The following UPF2 variants were observed in gnomAD, a reference collection of about 807,000 sequenced individuals.
The protein encoded by UPF2 is UPF2 regulator of nonsense mediated mRNA decay, also known as regulator of nonsense transcripts 2.
UPF2 carries 17 observed loss-of-function variants against 141.4 expected under a neutral mutation model. The ratio of observed to expected loss-of-function variants is 0.12; its 90% CI spans 0.08 to 0.18. The LOEUF (loss-of-function observed/expected upper bound fraction) is 0.18. UPF2 is among the 10% of genes least tolerant of loss of function. UPF2 has a pLI of 1.00. For missense variants in UPF2, 1,152 were observed against 1,515.9 expected, an observed-to-expected ratio of 0.76 and a Z score of 3.99; for synonymous variants, 540 against 498.0, an observed-to-expected ratio of 1.08 and a Z score of -1.12.
intron 9 of UPF2, among the ~76,000 whole-genome samples, chr10:11,968,782 C>T (rs1008878984): frequency 1.3e-5 from 2 of 152,156 alleles, no homozygotes; most frequent in African/African-American, 4.8e-5. Flanking sequence ...CCATTTTCAT[C>T]GGAAAACCAA....
rs765095594 is a variant in UPF2, at chr10:12,016,424, G to A, written c.1146-2240C>T. Among the ~76,000 whole-genome samples the A allele has an allele frequency of 2.6e-4, 40 of 152,056 alleles. No homozygotes were observed. The highest frequency in any genetic ancestry group is 7.7e-4 in the East Asian group (4 of 5,164). ...GAAGTAGGTTACTTAGGCTGGGCGC[G>A]GTGGCTCACGCCTGTAATCCCAGAA... is the stretch of plus-strand genomic sequence containing the variant. On this transcript the variant is annotated intron_variant, in intron 3 of 21. Transcript: ENST00000357604. The surrounding 1 kb of genome is among the most constrained non-coding windows in gnomAD (Gnocchi z 4.1).
In UPF2 at chr10:11,931,668, C is replaced by A; in HGVS notation, c.3661G>T (p.Glu1221Ter). 1 of 1,606,884 alleles carries A rather than the reference C, an allele frequency of 6.2e-7. No homozygotes were observed. The highest frequency in any genetic ancestry group is 1.1e-5 in the South Asian group (1 of 88,818). ...RMKKLTLDIN[E>*]RQEQEDYQEM... is the part of the protein sequence containing the mutation. ...TGATAATCTTCTTGTTCTTGCCGTT[C>A]ATTGATATCTAGTGTGAGCTTTTTC... Residue 1221 changes from glutamate (E) to a stop codon, truncating the protein, a stop_gained, in exon 20 of 22, where the codon GAA (glutamate) becomes TAA (stop). Transcript: ENST00000357604. LOFTEE classifies it high-confidence loss of function. The surrounding 1 kb of genome is among the most constrained non-coding windows in gnomAD (Gnocchi z 5.9).
Position 12,031,932 on chromosome 10 carries a change from T to C in UPF2, c.366-2408A>G, listed in dbSNP as rs552299148. Among the ~76,000 whole-genome samples, 30 of 152,312 alleles carry C rather than the reference T, an allele frequency of 2.0e-4. No homozygotes were observed. In the South Asian group the frequency reaches 6.2e-3, roughly 32 times the overall value. On this transcript the variant is annotated intron_variant, in intron 2 of 21. Transcript: ENST00000357604. ...CTCTATCACTGAGAACATGGACAGT[T>C]GAGTATCTCTTTGAAGTCTCCCAGC...
At chr10:11,934,877 T>C (rs977311634) in intron 19 of UPF2, among the ~76,000 whole-genome samples, 13 of 152,302 alleles carry the variant, frequency 8.5e-5, no homozygotes, top group East Asian at 1.9e-4. Flanking sequence ...TGTGAGCCAC[T>C]ATGCCCGGCC....
chr10:11,929,729 T>G, intron 21 of UPF2, 136 bp downstream of exon 21: 1 of 1,269,342 alleles, frequency 7.9e-7, no homozygotes. Context: ...CTTTTCTATT[T>G]TGCTAAAATA....
At chr10:11,997,805 C>T (rs41291289) in intron 7 of UPF2, 48 bp from the exon 8 acceptor site, 109,521 of 1,532,178 alleles carry the variant, frequency 0.071, 4,413 homozygotes, top group Non-Finnish European at 0.083. Flanking sequence ...TAATTAGTTA[C>T]GGAGAGCAGA....
intron 1 of UPF2, among the ~76,000 whole-genome samples, chr10:12,041,038 G>A (rs1235575333): frequency 6.6e-6 from 1 of 152,132 alleles, no homozygotes; most frequent in African/African-American, 2.4e-5. Context: ...ACTACCCAGT[G>A]CTTTTTCACT....
At chr10:11,942,994 C>T (rs113990588) in intron 17 of UPF2, 70 bp downstream of exon 17, 33 of 1,132,494 alleles carry the variant, frequency 2.9e-5, no homozygotes, top group Middle Eastern at 2.0e-4. Flanking sequence ...AATTCAGTTT[C>T]GTGACTAAAA....
rs900657909 is a variant in UPF2 at position 11,920,275 on chromosome 10, C to G, written c.*1023G>C. 1 of 152,104 alleles carries G rather than the reference C, an allele frequency of 6.6e-6. No homozygotes were observed. Among genetic ancestry groups the G allele is most frequent in the Non-Finnish European group, 1.5e-5 (1 of 68,024 alleles). 9.4% of individuals were successfully genotyped at this position (152,104 alleles called of 1,614,324 possible). On this transcript the variant is annotated 3_prime_UTR_variant, in exon 22 of 22. Transcript: ENST00000357604. ...CTGCTGGAAAGCAAACCAAAGACAG[C>G]TGTCCTAAGAAATTAACAGATTGTC...
At chr10:12,025,191 C>T (rs1235965732) in intron 3 of UPF2, among the ~76,000 whole-genome samples, 1 of 152,102 alleles carries the variant, frequency 6.6e-6, no homozygotes, top group East Asian at 1.9e-4. Context: ...TTATTTTCTA[C>T]ATGGTGATTA....
Position 12,004,623 on chromosome 10 carries a change from G to T in UPF2, c.1411C>A (p.Leu471Ile). ...GGGACAAAAGCCTTCAAATCAATGA[G>T]GTTCTCATAAAAATTCCGAGCATCT... ...DEDARNFYEN[L>I]IDLKAFVPAI... The change falls in exon 5 of 22, where the codon CTC (leucine) becomes ATC (isoleucine). Residue 471 changes from leucine (L) to isoleucine (I), a missense_variant. Around this residue, in one of 4 missense-constraint regions of UPF2, gnomAD observed 739 missense variants for 1,032.2 expected, o/e 0.72. Transcript: ENST00000357604. The T allele has an allele frequency of 6.2e-7, 1 of 1,613,762 alleles. No individual in the cohort carries two copies. Among genetic ancestry groups the T allele is most frequent in the Non-Finnish European group, 8.5e-7 (1 of 1,179,884 alleles).
intron 18 of UPF2, among the ~76,000 whole-genome samples, chr10:11,937,129 C>T (rs1370894913): frequency 6.6e-6 from 1 of 152,242 alleles, no homozygotes; most frequent in Non-Finnish European, 1.5e-5. Context: ...CCCAGCAGGG[C>T]GTTACCCACA....
chr10:11,957,327 G>A (rs959788518), intron 12 of UPF2, among the ~76,000 whole-genome samples: 2 of 151,818 alleles, frequency 1.3e-5, no homozygotes, highest in African/African-American at 2.4e-5. Context: ...TACTAGGGTT[G>A]CTGAGGCAAG....
intron 8 of UPF2, among the ~76,000 whole-genome samples, chr10:11,997,412 ATTC>A (rs1009041843): frequency 9.2e-5 from 14 of 152,172 alleles, no homozygotes; most frequent in East Asian, 1.9e-4. Flanking sequence ...GCTTCTAGCA[ATTC>A]TTCTTCTTCT....
rs1177416942 is a variant in UPF2 at position 11,921,737 on chromosome 10, T to C, written c.3810-430A>G. 6.6e-6 allele frequency among the ~76,000 whole-genome samples: 1 copy of C among 152,148 alleles called. No homozygotes were observed. Among genetic ancestry groups the C allele is most frequent in the Admixed American group, 6.6e-5 (1 of 15,266 alleles). ...CAACTGTAGTGCTTTTTTGAGAGCA[T>C]TCATGCTCTCTACTGAGCTACAACT... On this transcript the variant is annotated intron_variant, in intron 21 of 21. Coordinates refer to ENST00000357604, the MANE Select transcript of UPF2 (RefSeq NM_015542.4). The surrounding 1 kb of genome is among the most constrained non-coding windows in gnomAD (Gnocchi z 5.9).
At chr10:11,954,585 G>C (rs1833118842) in intron 14 of UPF2, among the ~76,000 whole-genome samples, 1 of 149,228 alleles carries the variant, frequency 6.7e-6, no homozygotes, top group Admixed American at 6.7e-5. Flanking sequence ...AGTGAGCTGA[G>C]ATTGCACCAC....
intron 11 of UPF2, among the ~76,000 whole-genome samples, chr10:11,960,385 T>C (rs970750500): frequency 1.3e-5 from 2 of 151,558 alleles, no homozygotes; most frequent in Non-Finnish European, 2.9e-5. Flanking sequence ...CATCTCTACA[T>C]TAAAATAAAA....
chr10:12,026,071 G>T (rs988389485), intron 3 of UPF2, among the ~76,000 whole-genome samples: 5 of 152,104 alleles, frequency 3.3e-5, no homozygotes, highest in Admixed American at 6.6e-5. Context: ...TGACATTACA[G>T]GCGTGAGCCA....
intron 1 of UPF2, 153 bp from the exon 2 acceptor site, chr10:12,035,594 T>A: frequency 2.5e-6 from 2 of 808,124 alleles, no homozygotes; most frequent in Admixed American, 3.5e-5. Context: ...TGTTACAAAA[T>A]AAGTTATTCA....
Sources: gnomAD v4.1 joint callset for allele counts (sites outside exome capture counted in the v4.1 genomes callset) on GRCh38, gnomAD v4.1.1 for gene constraint, gnomAD v4.1.1 regional missense constraint, Gnocchi (gnomAD v3.1) non-coding constraint, MANE v1.5 for transcripts, NCBI Gene and HGNC (gene_info 2026-07-23, HGNC 2026-07-21) for gene names.